The following TRAF2 variants were observed in gnomAD, a reference collection of about 807,000 sequenced individuals.
The protein encoded by TRAF2 is TNF receptor-associated factor 2.
In TRAF2, 6 loss-of-function variants were observed where a neutral mutation model predicts 55.6. The ratio of observed to expected loss-of-function variants is 0.11; its 90% CI spans 0.06 to 0.21. TRAF2 has a LOEUF of 0.21. Among genes scored for constraint, TRAF2 ranks in the 10% least tolerant of loss-of-function variants. TRAF2 has a pLI of 1.00. For missense variants in TRAF2, 561 were observed against 684.5 expected (o/e 0.82, Z 2.01); for synonymous variants, 329 against 276.3 (o/e 1.19, Z -1.89).
chr9:136,908,093 G>C lies in TRAF2; in HGVS notation c.390G>C (p.Pro130=). 1 of 1,605,400 alleles carries C rather than the reference G, an allele frequency of 6.2e-7. No individual in the cohort carries two copies. Among genetic ancestry groups the C allele is most frequent in the Non-Finnish European group, 8.5e-7 (1 of 1,179,682 alleles). The change falls in exon 5 of 11, where the codon CCG becomes CCC. Residue 130 remains proline (P), a synonymous_variant. Transcript: ENST00000247668. ...AGAGCTGCCACGAAGGCCGCTGCCC[G>C]CTCATGCTGACCGAATGTCCCGCGT... is the stretch of plus-strand genomic sequence containing the variant. ...EYESCHEGRC[P]LMLTECPACK...
chr9:136,922,735 G>A (rs1197286364), intron 9 of TRAF2, among the ~76,000 whole-genome samples: 4 of 143,580 alleles, frequency 2.8e-5, no homozygotes, highest in Non-Finnish European at 6.1e-5. Flanking sequence ...GGACGGGGAC[G>A]GGGAGGATGG....
At chr9:136,918,756 GAC>G (rs997158193) in intron 7 of TRAF2, among the ~76,000 whole-genome samples, 5 of 151,810 alleles carry the variant, frequency 3.3e-5, no homozygotes, top group Admixed American at 6.6e-5. Context: ...TTATTTTTGA[GAC>G]AGAGTCTTGC....
In TRAF2 at chr9:136,926,003, G is replaced by A. The variant is rs1057121693; in HGVS notation, c.*102G>A. 2 of 1,438,044 alleles carry A rather than the reference G, an allele frequency of 1.4e-6. No homozygotes were observed. The highest frequency in any genetic ancestry group is 9.7e-7 in the Non-Finnish European group (1 of 1,034,070). 89.1% of individuals were successfully genotyped at this position (1,438,044 alleles called of 1,614,324 possible). A position where few individuals can be genotyped will look rare whatever the true frequency, so the allele number is the denominator to read the frequency against. ...GGGTCTCACTGTACAAGTGGGCAGG[G>A]GCCGCGCTTGGGCGCTTGGGAGGGT... On this transcript the variant is annotated 3_prime_UTR_variant, in exon 11 of 11. Coordinates refer to ENST00000247668, the MANE Select transcript of TRAF2 (RefSeq NM_021138.4).
At chr9:136,893,102 C>T (rs1444235616) in intron 1 of TRAF2, among the ~76,000 whole-genome samples, 6 of 152,232 alleles carry the variant, frequency 3.9e-5, no homozygotes, top group South Asian at 4.2e-4. Context: ...CAGTTTGCCA[C>T]GGCTGGTATG....
intron 7 of TRAF2, 51 bp from the exon 8 acceptor site, chr9:136,920,183 G>GGGAGCCGAATGGTGGAT: frequency 6.5e-7 from 1 of 1,541,066 alleles, no homozygotes; most frequent in South Asian, 1.2e-5. Flanking sequence ...GTCCCCGGGT[G>GGGAGCCGAATGGTGGAT]GGAGCCGAAT....
intron 1 of TRAF2, among the ~76,000 whole-genome samples, chr9:136,888,315 C>T (rs1459181402): frequency 1.3e-5 from 2 of 152,124 alleles, no homozygotes; most frequent in African/African-American, 4.8e-5. Flanking sequence ...CCTGTAGTCC[C>T]AGCTACTCCG....
intron 1 of TRAF2, among the ~76,000 whole-genome samples, chr9:136,897,680 C>T (rs914067766): frequency 1.4e-5 from 2 of 142,604 alleles, no homozygotes; most frequent in African/African-American, 2.7e-5. Flanking sequence ...GAGGGAAACC[C>T]GTGGTAGCTA....
rs546095955 is a variant in TRAF2 at position 136,926,046 on chromosome 9, T to G, written c.*145T>G. 22 of 995,520 alleles carry G rather than the reference T, an allele frequency of 2.2e-5. 1 individual carries two copies. The East Asian group carries it at 5.1e-4, about 23-fold the overall frequency. The allele number at this position is 995,520 out of a possible 1,614,324, so 61.7% of individuals were successfully genotyped here. On this transcript the variant is annotated 3_prime_UTR_variant, in exon 11 of 11. Coordinates refer to ENST00000247668, the MANE Select transcript of TRAF2 (RefSeq NM_021138.4). ...GGGAGGGTGTCGGCCTGCAGCCAAGTTCACTGTCACGGGGGAAGGAGCCAC... is the reference window on the plus strand; with the variant it reads ...GGGAGGGTGTCGGCCTGCAGCCAAGGTCACTGTCACGGGGGAAGGAGCCAC...
intron 4 of TRAF2, 24 bp downstream of exon 4, chr9:136,900,544 G>A (rs1849794845): frequency 1.3e-6 from 2 of 1,596,332 alleles, no homozygotes; most frequent in East Asian, 2.2e-5. Flanking sequence ...CGTGTGGCAT[G>A]GTGACAGAAG....
chr9:136,888,166 C>G (rs916489249), intron 1 of TRAF2, among the ~76,000 whole-genome samples: 3 of 152,138 alleles, frequency 2.0e-5, no homozygotes, highest in African/African-American at 4.8e-5. Flanking sequence ...CCACCGCGCC[C>G]GGCCATGAAA....
intron 1 of TRAF2, among the ~76,000 whole-genome samples, chr9:136,895,843 G>A (rs1588421634): frequency 1.2e-5 from 1 of 84,956 alleles, no homozygotes; most frequent in Non-Finnish European, 2.3e-5. Context: ...GTAAGACTCT[G>A]TTTAAGGAAA....
intron 4 of TRAF2, chr9:136,902,379 G>A (rs1025324146): frequency 1.3e-5 from 2 of 152,428 alleles, no homozygotes; most frequent in African/African-American, 4.8e-5. Context: ...AGAGGACTGA[G>A]GAGTGTCTGG....
At chr9:136,889,150 CACT>C (rs372435056) in intron 1 of TRAF2, among the ~76,000 whole-genome samples, 23 of 151,966 alleles carry the variant, frequency 1.5e-4, no homozygotes, top group Non-Finnish European at 2.5e-4. Context: ...TGTGAGCCAC[CACT>C]GAGGGGCTTT....
At chr9:136,913,171 A>C (rs13301872) in intron 6 of TRAF2, among the ~76,000 whole-genome samples, 114,327 of 151,992 alleles carry the variant, frequency 0.75, 43,176 homozygotes, top group East Asian at 0.87. Flanking sequence ...AAAACCAGCA[A>C]CATGGCTTCT....
chr9:136,920,343 A>T lies in TRAF2; in HGVS notation c.788A>T (p.His263Leu), dbSNP rs776874708. 1 of 1,614,094 alleles carries T rather than the reference A, an allele frequency of 6.2e-7. No homozygotes were observed. The highest frequency in any genetic ancestry group is 8.5e-7 in the Non-Finnish European group (1 of 1,180,034). ...EAKPLLGDQS[H>L]AGSELLQRCE... ...AAGCCCCTCTTGGGAGACCAGAGCC[A>T]CGCGGGGTCAGAGCTCCTGCAGAGG... Residue 263 changes from histidine to leucine, a missense_variant, in exon 8 of 11, where the codon CAC becomes CTC. Transcript: ENST00000247668.
At chr9:136,886,662 A>AGCGGGGGCGGGAGAGGCCGCGGG in intron 1 of TRAF2, 121 bp downstream of exon 1, 1 of 142,954 alleles carries the variant, frequency 7.0e-6, no homozygotes, top group Non-Finnish European at 8.7e-6. Flanking sequence ...CCGGAGCGGG[A>AGCGGGGGCGGGAGAGGCCGCGGG]GCGGGGGCGG....
chr9:136,897,377 T>C (rs758401241), intron 1 of TRAF2, among the ~76,000 whole-genome samples: 12 of 152,302 alleles, frequency 7.9e-5, no homozygotes, highest in South Asian at 2.1e-4. Context: ...TACTGAGTTC[T>C]AGTGGACAGC....
At chr9:136,921,660 C>T (rs1034280827) in intron 9 of TRAF2, among the ~76,000 whole-genome samples, 1 of 150,492 alleles carries the variant, frequency 6.6e-6, no homozygotes, top group African/African-American at 2.4e-5. Flanking sequence ...ATTTTCCACA[C>T]GGAGCTCAGG....
chr9:136,910,357 C>A (rs933677625), intron 6 of TRAF2, among the ~76,000 whole-genome samples: 1 of 152,178 alleles, frequency 6.6e-6, no homozygotes, highest in Non-Finnish European at 1.5e-5. Context: ...TTGCAGCAAG[C>A]GGTTGGGGTG....
Sources: gnomAD v4.1 joint callset for allele counts (sites outside exome capture counted in the v4.1 genomes callset) on GRCh38, gnomAD v4.1.1 for gene constraint, MANE v1.5 for transcripts, NCBI Gene and HGNC (gene_info 2026-07-23, HGNC 2026-07-21) for gene names.